The following NKD2 variants were observed in gnomAD, a reference collection of about 807,000 sequenced individuals.
NKD2 encodes protein naked cuticle homolog 2.
Under a neutral mutation model 34.8 loss-of-function variants are expected in NKD2, and 43 were observed. The ratio of observed to expected loss-of-function variants is 1.24; its 90% CI spans 0.97 to 1.60. The LOEUF is 1.60. Among genes scored for constraint, NKD2 ranks in the 40% most tolerant of loss-of-function variants. The pLI is 0.00. For synonymous variants in NKD2, 278 were observed against 265.1 expected, an observed-to-expected ratio of 1.05 and a Z score of -0.47; for missense variants, 675 against 627.1, an observed-to-expected ratio of 1.08 and a Z score of -0.82.
At chr5:1,034,417 C>A in intron 6 of NKD2, 87 bp downstream of exon 6, 1 of 1,101,438 alleles carries the variant, frequency 9.1e-7, no homozygotes, top group Non-Finnish European at 1.4e-6. Context: ...CCTCAGGGGG[C>A]AGGAGGGGAC....
chr5:1,027,887 G>C (rs927632985), intron 3 of NKD2, among the ~76,000 whole-genome samples: 1 of 152,268 alleles, frequency 6.6e-6, no homozygotes, highest in African/African-American at 2.4e-5. Flanking sequence ...GCACTTCCAG[G>C]TTGAAGGCCA....
intron 3 of NKD2, among the ~76,000 whole-genome samples, chr5:1,022,375 G>T (rs202206915): frequency 4.2e-4 from 10 of 23,714 alleles, no homozygotes; most frequent in East Asian, 2.8e-3. Context: ...CTTCCCACCC[G>T]CTGTGGGTGT....
intron 9 of NKD2, chr5:1,036,741 A>G (rs1371986930): frequency 6.2e-6 from 3 of 486,618 alleles, no homozygotes; most frequent in African/African-American, 5.8e-5. Context: ...GGGTGGAATC[A>G]CCGGCTCAGT....
chr5:1,026,815 G>A (rs1481211636), intron 3 of NKD2, among the ~76,000 whole-genome samples: 2 of 152,268 alleles, frequency 1.3e-5, no homozygotes, highest in Non-Finnish European at 2.9e-5. Context: ...CCTTGGTCCT[G>A]CCCAGCCGCA....
At chr5:1,011,078 G>A (rs930200476) in intron 3 of NKD2, among the ~76,000 whole-genome samples, 1 of 152,242 alleles carries the variant, frequency 6.6e-6, no homozygotes, top group Non-Finnish European at 1.5e-5. Context: ...ATTTTCTTTA[G>A]AGAATAGCTT....
chr5:1,037,374 A>C (rs1262186640), intron 9 of NKD2: 1 of 730,094 alleles, frequency 1.4e-6, no homozygotes, highest in African/African-American at 1.8e-5. Context: ...CAGGAGCTGC[A>C]CCCTACAGGG....
intron 9 of NKD2, 104 bp downstream of exon 9, chr5:1,036,488 C>T: frequency 9.1e-6 from 5 of 548,966 alleles, no homozygotes; most frequent in South Asian, 2.1e-5. Context: ...CCCTGCCCTG[C>T]CCCGCCCCCC....
Position 1,030,019 on chromosome 5 carries a change from G to C in NKD2, c.142-2133G>C, listed in dbSNP as rs560855070. ...GCCTGAGGGGGGATTGTGGTGCGGG[G>C]GGGGGGGTACTGAGAACCCTGGGGG... On this transcript the variant is annotated intron_variant, in intron 3 of 9. Coordinates refer to ENST00000296849, the MANE Select transcript of NKD2 (RefSeq NM_033120.4). 1.8e-4 allele frequency among the ~76,000 whole-genome samples: 27 copies of C among 150,718 alleles called. 1 individual carries two copies. The highest frequency in any genetic ancestry group is 4.4e-4 in the African/African-American group (18 of 40,784).
At chr5:1,035,319 T>C in intron 7 of NKD2, 70 bp from the exon 8 acceptor site, 3 of 1,184,198 alleles carry the variant, frequency 2.5e-6, no homozygotes, top group Non-Finnish European at 3.7e-6. Context: ...AGTTAATGAA[T>C]GAGTGAATGA....
At chr5:1,020,744 G>C (rs547361284) in intron 3 of NKD2, among the ~76,000 whole-genome samples, 1 of 145,280 alleles carries the variant, frequency 6.9e-6, no homozygotes, top group Non-Finnish European at 1.5e-5. Flanking sequence ...CCCTGGGCCT[G>C]TCCCTGTAAC....
intron 3 of NKD2, among the ~76,000 whole-genome samples, chr5:1,017,536 C>G (rs568609668): frequency 6.6e-6 from 1 of 152,364 alleles, no homozygotes; most frequent in South Asian, 2.1e-4. Context: ...TGCTGCTGGA[C>G]AGAGCAGGAC....
intron 3 of NKD2, among the ~76,000 whole-genome samples, chr5:1,021,686 C>T (rs1425982756): frequency 6.6e-6 from 1 of 151,940 alleles, no homozygotes; most frequent in African/African-American, 2.4e-5. Flanking sequence ...TGGCGGATCA[C>T]CTTGAAGTCA....
At chr5:1,021,425 CCAGCCCCTCCCCA>C (rs1231784795) in intron 3 of NKD2, among the ~76,000 whole-genome samples, 2 of 143,406 alleles carry the variant, frequency 1.4e-5, no homozygotes, top group African/African-American at 5.2e-5. Context: ...CCAGCCCCCC[CCAGCCCCTCCCCA>C]CAGGGCCTCA....
Position 1,009,095 on chromosome 5 carries a change from C to CCGGTAGGG in NKD2, c.25+17_25+24dup, listed in dbSNP as rs1755640314. On this transcript the variant is annotated intron_variant, in intron 1 of 9. Transcript: ENST00000296849. The surrounding 1 kb of genome is among the most constrained non-coding windows in gnomAD (Gnocchi z 6.9). ...CAGTCGAAGCACGGTGAGCCGCGGG[C>CCGGTAGGG]CGGTAGGGCGGGAGGGCGGGCGGGC... is the stretch of plus-strand genomic sequence containing the variant. The CCGGTAGGG allele has an allele frequency of 1.2e-5, 3 of 248,972 alleles. No individual in the cohort carries two copies. The highest frequency in any genetic ancestry group is 2.2e-5 in the Non-Finnish European group (3 of 136,676). The allele number at this position is 248,972 out of a possible 1,614,324, so 15.4% of individuals were successfully genotyped here. A position where few individuals can be genotyped will look rare whatever the true frequency, so the allele number is the denominator to read the frequency against.
rs145184317 is a variant in NKD2, at chr5:1,037,936, G to A, written c.919G>A (p.Val307Met). The A allele has an allele frequency of 1.2e-5, 19 of 1,607,124 alleles. No homozygotes were observed. The highest frequency in any genetic ancestry group is 2.2e-5 in the East Asian group (1 of 44,822). ...GTCACAGGTGCTGGTGGAACACGTCGTGCCAGCCTCGGAGCCTGCTGCCCG... is the reference window on the plus strand; with the variant it reads ...GTCACAGGTGCTGGTGGAACACGTCATGCCAGCCTCGGAGCCTGCTGCCCG... ...RRSQVLVEHV[V>M]PASEPAARAL... Residue 307 changes from valine (V) to methionine (M), a missense_variant, in exon 10 of 10, where the codon GTG becomes ATG. Coordinates refer to ENST00000296849, the MANE Select transcript of NKD2 (RefSeq NM_033120.4).
intron 3 of NKD2, among the ~76,000 whole-genome samples, chr5:1,011,749 G>A (rs1755759583): frequency 6.6e-6 from 1 of 152,250 alleles, no homozygotes; most frequent in African/African-American, 2.4e-5. Flanking sequence ...TTAATTCCCT[G>A]TGAGCAATGC....
intron 3 of NKD2, among the ~76,000 whole-genome samples, chr5:1,029,597 G>A (rs882622): frequency 0.39 from 58,786 of 152,096 alleles, 12,378 homozygotes; most frequent in Middle Eastern, 0.48. Flanking sequence ...CACGGGCTGC[G>A]TTTACATTTT....
At chr5:1,011,686 G>A (rs191005673) in intron 3 of NKD2, among the ~76,000 whole-genome samples, 3 of 152,296 alleles carry the variant, frequency 2.0e-5, no homozygotes, top group East Asian at 3.9e-4. Flanking sequence ...CAAGACCTCC[G>A]ACCTACCCTC....
chr5:1,036,679 T>C lies in NKD2; in HGVS notation c.787+295T>C, dbSNP rs1016960446. ...CTGGTTCAAAGTGAGATGGAAGACA[T>C]TGGGTTTGCATTCAGGGAAACCCTG... On this transcript the variant is annotated intron_variant, in intron 9 of 9. Transcript: ENST00000296849. 9 of 575,610 alleles carry C rather than the reference T, an allele frequency of 1.6e-5. No individual in the cohort carries two copies. The Middle Eastern group carries it at 8.1e-4, about 52-fold the overall frequency. The allele number at this position is 575,610 out of a possible 1,614,324, so 35.7% of individuals were successfully genotyped here. A position where few individuals can be genotyped will look rare whatever the true frequency, so the allele number is the denominator to read the frequency against.
Sources: allele counts gnomAD v4.1 joint callset (sites outside exome capture counted in the v4.1 genomes callset), GRCh38; gene constraint gnomAD v4.1.1; non-coding constraint Gnocchi (gnomAD v3.1); transcripts MANE v1.5; gene names NCBI Gene and HGNC (gene_info 2026-07-23, HGNC 2026-07-21).